The following NT5E variants were observed in gnomAD, a reference collection of about 807,000 sequenced individuals.
The protein encoded by NT5E is 5'-nucleotidase.
Under a neutral mutation model 55.1 loss-of-function variants are expected in NT5E, and 53 were observed. The observed-to-expected ratio is 0.96, with a 90% CI of 0.77 to 1.21. The LOEUF (loss-of-function observed/expected upper bound fraction) is 1.21, where lower values mean the gene tolerates loss of function less well. NT5E is among the 50% of genes most tolerant of loss of function. The pLI is 0.00. For synonymous variants in NT5E, 270 were observed against 278.4 expected, an observed-to-expected ratio of 0.97 and a Z score of 0.30; for missense variants, 683 against 724.3, an observed-to-expected ratio of 0.94 and a Z score of 0.65.
At chr6:85,479,370 T>G (rs564706391) in intron 3 of NT5E, among the ~76,000 whole-genome samples, 13 of 152,324 alleles carry the variant, frequency 8.5e-5, no homozygotes, top group African/African-American at 2.4e-4. Context: ...TGGCTAGGAA[T>G]TCATGACTGC....
intron 3 of NT5E, among the ~76,000 whole-genome samples, chr6:85,473,307 G>A (rs557758009): frequency 2.0e-5 from 3 of 152,068 alleles, no homozygotes; most frequent in African/African-American, 7.2e-5. Context: ...TATTATAAGG[G>A]GTCACTGTGA....
At chr6:85,488,881 CTT>C (rs71679910) in intron 5 of NT5E, among the ~76,000 whole-genome samples, 1,293 of 102,666 alleles carry the variant, frequency 0.013, 14 homozygotes, top group African/African-American at 0.039. Context: ...TATGCCTGGC[CTT>C]TTTTTTTTTT....
chr6:85,464,326 C>T (rs4373339), intron 1 of NT5E, among the ~76,000 whole-genome samples: 25,323 of 152,094 alleles, frequency 0.17, 2,407 homozygotes, highest in African/African-American at 0.26. Flanking sequence ...TACTAACTCA[C>T]TTTCCATGAC....
chr6:85,490,911 G>T, intron 7 of NT5E: 2 of 561,354 alleles, frequency 3.6e-6, no homozygotes, highest in Non-Finnish European at 3.2e-6. Flanking sequence ...CATCAGATGG[G>T]CCCTCTAAGC....
intron 1 of NT5E, among the ~76,000 whole-genome samples, chr6:85,453,099 C>T (rs1197720544): frequency 6.6e-6 from 1 of 152,126 alleles, no homozygotes; most frequent in African/African-American, 2.4e-5. Context: ...TGGAGACCCC[C>T]TGGAACCACT....
Position 85,487,424 on chromosome 6 carries a change from G to T in NT5E, c.1039G>T (p.Asp347Tyr), listed in dbSNP as rs1450557890. 6 of 1,614,170 alleles carry T rather than the reference G, an allele frequency of 3.7e-6. No homozygotes were observed. The South Asian group carries it at 6.6e-5, about 18-fold the overall frequency. ...ATTAGGGAAAACAATTGTCTATCTG[G>T]ATGGCTCCTCTCAATCATGCCGCTT... The part of the protein sequence containing the change: ...QELGKTIVYL[D>Y]GSSQSCRFRE... The change falls in exon 5 of 9, where the codon GAT (aspartate) becomes TAT (tyrosine). Residue 347 changes from aspartate to tyrosine, a missense_variant. Physicochemically the swap from Asp to Tyr is radical, Grantham distance 160 (BLOSUM62 -3). Transcript: ENST00000257770.
chr6:85,482,726 T>G (rs936874835), intron 3 of NT5E, among the ~76,000 whole-genome samples: 1 of 152,232 alleles, frequency 6.6e-6, no homozygotes, highest in Non-Finnish European at 1.5e-5. Flanking sequence ...CAAGTCAGGT[T>G]TCTAAAGACA....
intron 2 of NT5E, 125 bp downstream of exon 2, chr6:85,467,407 C>G: frequency 1.3e-6 from 1 of 765,834 alleles, no homozygotes; most frequent in South Asian, 1.5e-5. Flanking sequence ...TAGAATAACA[C>G]TGATAAAAGC....
At chr6:85,491,873 A>C in intron 7 of NT5E, 104 bp from the exon 8 acceptor site, 2 of 1,012,710 alleles carry the variant, frequency 2.0e-6, no homozygotes, top group Non-Finnish European at 1.6e-6. Context: ...AAACCAAAGG[A>C]AAAACCACAG....
At position 85,450,103 on chromosome 6, in the gene NT5E, C is replaced by A; in HGVS notation, c.-37C>A. ...CCCCTACTCGCCGGCACTCGCCCGG[C>A]TCGCCCGCTTTCGCACCCAGTTCAC... On this transcript the variant is annotated 5_prime_UTR_variant, in exon 1 of 9. Transcript: ENST00000257770. This position sits in a 1 kb window ranked among gnomAD's most constrained non-coding sequence, Gnocchi z 4.0. The A allele has an allele frequency of 4.0e-6, 6 of 1,516,980 alleles. No homozygotes were observed. Among genetic ancestry groups the A allele is most frequent in the Non-Finnish European group, 5.3e-6 (6 of 1,129,554 alleles). The allele number at this position is 1,516,980 out of a possible 1,614,324, so 94.0% of individuals were successfully genotyped here.
At chr6:85,491,108 C>T in intron 7 of NT5E, 1 of 529,426 alleles carries the variant, frequency 1.9e-6, no homozygotes, top group Non-Finnish European at 3.9e-6. Flanking sequence ...CACAGACATA[C>T]CTGAACACCT....
intron 1 of NT5E, among the ~76,000 whole-genome samples, chr6:85,465,681 C>T (rs1769179342): frequency 6.6e-6 from 1 of 152,188 alleles, no homozygotes; most frequent in South Asian, 2.1e-4. Context: ...GATGTATACA[C>T]AACCCTTGCA....
intron 2 of NT5E, among the ~76,000 whole-genome samples, chr6:85,470,109 G>GGACT (rs1384364688): frequency 6.6e-6 from 1 of 152,286 alleles, no homozygotes; most frequent in East Asian, 1.9e-4. Context: ...ATCTACTGGA[G>GGACT]GACTCCCTAG....
intron 3 of NT5E, among the ~76,000 whole-genome samples, chr6:85,481,662 T>C (rs1769554221): frequency 6.6e-6 from 1 of 151,994 alleles, no homozygotes; most frequent in African/African-American, 2.4e-5. Context: ...GGCACGTGGG[T>C]GTGGTCTAGG....
chr6:85,465,834 G>C (rs143749882), intron 1 of NT5E, among the ~76,000 whole-genome samples: 77 of 152,350 alleles, frequency 5.1e-4, no homozygotes, highest in African/African-American at 1.7e-3. Flanking sequence ...TGCCATTACA[G>C]AGTATGGAAT....
intron 1 of NT5E, among the ~76,000 whole-genome samples, chr6:85,455,746 A>G (rs532241132): frequency 7.3e-4 from 111 of 152,244 alleles, no homozygotes; most frequent in African/African-American, 2.6e-3. Context: ...CCCTTAACCT[A>G]TGGGATCTGA....
chr6:85,453,529 G>A (rs1294304044), intron 1 of NT5E, among the ~76,000 whole-genome samples: 1 of 152,202 alleles, frequency 6.6e-6, no homozygotes, highest in African/African-American at 2.4e-5. Flanking sequence ...TCATTGAGCA[G>A]ACTTATGAAA....
rs979313179 is a variant in NT5E, at chr6:85,494,213, C to G, written c.*209C>G. 4 of 568,784 alleles carry G rather than the reference C, an allele frequency of 7.0e-6. No individual in the cohort carries two copies. Among genetic ancestry groups the G allele is most frequent in the Non-Finnish European group, 1.2e-5 (4 of 322,628 alleles). 35.2% of individuals were successfully genotyped at this position (568,784 alleles called of 1,614,324 possible). A position where few individuals can be genotyped will look rare whatever the true frequency, so the allele number is the denominator to read the frequency against. On this transcript the variant is annotated 3_prime_UTR_variant, in exon 9 of 9. Coordinates refer to ENST00000257770, the MANE Select transcript of NT5E (RefSeq NM_002526.4). ...TTAGAAAAAAAATTAACATAGGGCC[C>G]TATAAGGAGAAAGCCAACTATGTTA...
At chr6:85,469,125 A>T (rs1769253597) in intron 2 of NT5E, among the ~76,000 whole-genome samples, 1 of 152,174 alleles carries the variant, frequency 6.6e-6, no homozygotes, top group Non-Finnish European at 1.5e-5. Flanking sequence ...AGCACATTTA[A>T]TCTAATTTAT....
Sources: gnomAD v4.1 joint callset for allele counts (sites outside exome capture counted in the v4.1 genomes callset) on GRCh38, gnomAD v4.1.1 for gene constraint, Gnocchi (gnomAD v3.1) non-coding constraint, MANE v1.5 for transcripts, NCBI Gene and HGNC (gene_info 2026-07-23, HGNC 2026-07-21) for gene names.